C4orf50: variants seen among roughly 807,000 people sequenced by gnomAD.
The protein encoded by C4orf50 is chromosome 4 open reading frame 50.
C4orf50 carries 80 observed loss-of-function variants against 77.2 expected under a neutral mutation model. That is an observed-to-expected ratio of 1.04 (90% confidence interval 0.87 to 1.25). The LOEUF is 1.25. Among genes scored for constraint, C4orf50 ranks in the 50% most tolerant of loss-of-function variants. The pLI is 0.00. For missense variants in C4orf50, 1,257 were observed against 1,152.9 expected (o/e 1.09, Z -1.31); for synonymous variants, 532 against 465.3 (o/e 1.14, Z -1.84).
chr4:5,924,991 C>T (rs542636534), intron 7 of C4orf50, among the ~76,000 whole-genome samples: 84 of 151,252 alleles, frequency 5.6e-4, no homozygotes, highest in African/African-American at 2.0e-3. Flanking sequence ...ATTCCCTGGC[C>T]AGGAAGGGGA....
downstream of C4orf50, among the ~76,000 whole-genome samples, chr4:5,952,135 C>T (rs1266522029): frequency 6.6e-6 from 1 of 152,110 alleles, no homozygotes; most frequent in Admixed American, 6.5e-5. The surrounding 1 kb of genome is among the most constrained non-coding windows in gnomAD (Gnocchi z 4.4). Flanking sequence ...TTCTAGGCAC[C>T]AGGGATGGAG....
chr4:5,977,404 A>T (rs1241246398), intron 29 of C4orf50, among the ~76,000 whole-genome samples: 1 of 152,250 alleles, frequency 6.6e-6, no homozygotes, highest in Non-Finnish European at 1.5e-5. Flanking sequence ...ATGAAATTAT[A>T]CTGTGCAAAA....
intron 26 of C4orf50, among the ~76,000 whole-genome samples, chr4:5,993,391 A>T (rs1435235420): frequency 1.3e-5 from 2 of 152,240 alleles, no homozygotes; most frequent in African/African-American, 4.8e-5. Context: ...ACACATATGG[A>T]GGATAATACC....
At chr4:6,006,610 C>T (rs554657675) in intron 25 of C4orf50, among the ~76,000 whole-genome samples, 3 of 152,280 alleles carry the variant, frequency 2.0e-5, no homozygotes, top group South Asian at 2.1e-4. Context: ...AGTATGGAGC[C>T]GAGCACACAG....
At chr4:5,965,248 C>T (rs1470516752) in intron 32 of C4orf50, 103 bp from the exon 11 acceptor site, 4 of 1,228,114 alleles carry the variant, frequency 3.3e-6, no homozygotes, top group Non-Finnish European at 4.5e-6. Flanking sequence ...CTAGCCATTC[C>T]CAGATCATTC....
chr4:6,010,674 G>A (rs1226186853), intron 24 of C4orf50, among the ~76,000 whole-genome samples: 1 of 152,212 alleles, frequency 6.6e-6, no homozygotes, highest in Non-Finnish European at 1.5e-5. Flanking sequence ...ATCCCTGGCT[G>A]CATCCTAAAT....
At chr4:5,957,991 T>C (rs1306161887) in exon 34 of C4orf50, 1 of 152,234 alleles carries the variant, frequency 6.6e-6, no homozygotes, top group Non-Finnish European at 1.5e-5. Context: ...TCTATACACT[T>C]TGACACTTCC....
In C4orf50 at chr4:6,018,484, A is replaced by G; in HGVS notation, c.-53T>C. The G allele has an allele frequency of 2.5e-6, 1 of 398,786 alleles. No homozygotes were observed. Among genetic ancestry groups the G allele is most frequent in the Non-Finnish European group, 4.4e-6 (1 of 226,064 alleles). The allele number at this position is 398,786 out of a possible 1,614,324, so 24.7% of individuals were successfully genotyped here. A position where few individuals can be genotyped will look rare whatever the true frequency, so the allele number is the denominator to read the frequency against. On this transcript the variant is annotated 5_prime_UTR_variant, in exon 23 of 34. Coordinates refer to ENST00000531445, the Ensembl canonical transcript of C4orf50. This position sits in a 1 kb window ranked among gnomAD's most constrained non-coding sequence, Gnocchi z 5.1. ...TAATAATAAAATTAAGTGAGTTTGC[A>G]ACATTGACTTCCCGGAGATTTCAAG...
chr4:5,905,862 C>T lies in C4orf50; in HGVS notation c.*2475-7674G>A, dbSNP rs111289981. Reference sequence around the variant, plus strand: ...GGGATGTCGTCATTTGTTCGTCCAACAAAAAGTGATGGGACACCTGCTGTG... The same window carrying T: ...GGGATGTCGTCATTTGTTCGTCCAATAAAAAGTGATGGGACACCTGCTGTG... On this transcript the variant is annotated intron_variant, in intron 7 of 7. Coordinates refer to the C4orf50 transcript ENST00000324058. The surrounding 1 kb of genome is among the most constrained non-coding windows in gnomAD (Gnocchi z 5.4). Among the ~76,000 whole-genome samples the T allele has an allele frequency of 0.026, 3,311 of 129,656 alleles. 89 individuals are homozygous for T. Among genetic ancestry groups the T allele is most frequent in the African/African-American group, 0.09 (2,875 of 31,888 alleles). 85.1% of individuals were successfully genotyped at this position (129,656 alleles called of 152,430 possible).
At chr4:5,989,125 C>A (rs1397623895) in exon 28 of C4orf50, 1 of 1,536,042 alleles carries the variant, frequency 6.5e-7, no homozygotes, top group Non-Finnish European at 8.7e-7. Context: ...CCGCTCGAGC[C>A]TGGATATTTT....
At chr4:5,956,547 C>T (rs1718967089), downstream of C4orf50, among the ~76,000 whole-genome samples, 1 of 152,206 alleles carries the variant, frequency 6.6e-6, no homozygotes, top group Non-Finnish European at 1.5e-5. Flanking sequence ...AAGCAGAAGG[C>T]CTCCCGGGAG....
intron 25 of C4orf50, among the ~76,000 whole-genome samples, chr4:5,997,586 A>G (rs1230850145): frequency 3.3e-5 from 5 of 152,218 alleles, no homozygotes; most frequent in African/African-American, 7.2e-5. Flanking sequence ...TCCATCCTAC[A>G]TTTCAACCCT....
exon 28 of C4orf50, chr4:5,990,544 G>A (rs369756692): frequency 5.0e-5 from 20 of 398,970 alleles, no homozygotes; most frequent in Admixed American, 8.8e-5. Context: ...GGGAGGAGGC[G>A]GGGACCTGGT....
intron 7 of C4orf50, among the ~76,000 whole-genome samples, chr4:5,935,784 TAAAAAAAAAAAAAAA>T (rs769910855): frequency 6.4e-5 from 2 of 31,478 alleles, no homozygotes; most frequent in African/African-American, 1.6e-4. Flanking sequence ...AGACTCCGTC[TAAAAAAAAAAAAAAA>T]AAAAAAAAAA....
intron 25 of C4orf50, among the ~76,000 whole-genome samples, chr4:5,995,796 A>G (rs1577981220): frequency 6.6e-6 from 1 of 152,184 alleles, no homozygotes; most frequent in South Asian, 2.1e-4. Context: ...TGACGAGTGC[A>G]TTCATTCAGA....
intron 7 of C4orf50, among the ~76,000 whole-genome samples, chr4:5,948,312 G>A (rs939127391): frequency 1.3e-5 from 2 of 152,210 alleles, no homozygotes; most frequent in African/African-American, 4.8e-5. Context: ...CCTCGAATTC[G>A]TAACTAATGA....
In C4orf50 at chr4:6,018,173, C is replaced by T. The variant is rs1412570209; in HGVS notation, c.259G>A (p.Val87Met). Residue 87 changes from valine to methionine, a missense_variant, in exon 23 of 34, where the codon GTG becomes ATG. Val to Met is a conservative substitution (Grantham distance 21). Coordinates refer to ENST00000531445, the Ensembl canonical transcript of C4orf50. The surrounding 1 kb of genome is among the most constrained non-coding windows in gnomAD (Gnocchi z 5.1). Reference sequence around the variant, plus strand: ...CTTCTCAGCCCGGACTCCGATGTCACGTACTTGTCCTCTGCTGCTGACAGC... The same window carrying T: ...CTTCTCAGCCCGGACTCCGATGTCATGTACTTGTCCTCTGCTGCTGACAGC... 2 of 398,934 alleles carry T rather than the reference C, an allele frequency of 5.0e-6. No homozygotes were observed. Among genetic ancestry groups the T allele is most frequent in the Non-Finnish European group, 8.8e-6 (2 of 226,086 alleles). 24.7% of individuals were successfully genotyped at this position (398,934 alleles called of 1,614,324 possible).
chr4:5,961,817 C>A (rs1156908269), intron 33 of C4orf50, among the ~76,000 whole-genome samples: 1 of 149,248 alleles, frequency 6.7e-6, no homozygotes, highest in African/African-American at 2.6e-5. Flanking sequence ...AAGCTCTCTT[C>A]TCCTTTTTTT....
chr4:5,921,624 G>A (rs1717275156), intron 7 of C4orf50, among the ~76,000 whole-genome samples: 1 of 152,108 alleles, frequency 6.6e-6, no homozygotes, highest in Non-Finnish European at 1.5e-5. Context: ...TGTGTTTCGG[G>A]AGGAGCCACC....
Sources: gnomAD v4.1 joint callset for allele counts (sites outside exome capture counted in the v4.1 genomes callset) on GRCh38, gnomAD v4.1.1 for gene constraint, Gnocchi (gnomAD v3.1) non-coding constraint, MANE v1.5 for transcripts, NCBI Gene and HGNC (gene_info 2026-07-23, HGNC 2026-07-21) for gene names.